Variants in SNAPC4 observed in about 807,000 individuals in gnomAD.
SNAPC4 encodes small nuclear RNA activating complex polypeptide 4, also known as snRNA-activating protein complex subunit 4.
SNAPC4 carries 127 observed loss-of-function variants against 151.3 expected under a neutral mutation model. That is an observed-to-expected ratio of 0.84 (90% CI 0.73 to 0.97). The LOEUF (loss-of-function observed/expected upper bound fraction) is 0.97, where lower values mean the gene tolerates loss of function less well. Ranked by LOEUF, SNAPC4 falls within the 50% of genes least tolerant of loss-of-function variation. SNAPC4 has a pLI of 0.00. For synonymous variants in SNAPC4, 1,002 were observed against 824.4 expected, an observed-to-expected ratio of 1.22 and a Z score of -3.69; for missense variants, 2,186 against 1,935.0, an observed-to-expected ratio of 1.13 and a Z score of -2.43.
At chr9:136,382,629 G>C (rs1833740935) in intron 16 of SNAPC4, among the ~76,000 whole-genome samples, 1 of 152,218 alleles carries the variant, frequency 6.6e-6, no homozygotes, top group African/African-American at 2.4e-5. Context: ...GGAGATGCTG[G>C]CTGTGCAGCA....
chr9:136,392,422 G>A (rs1834110395), intron 9 of SNAPC4, 100 bp downstream of exon 9: 5 of 1,186,142 alleles, frequency 4.2e-6, no homozygotes, highest in Admixed American at 1.7e-5. Context: ...AGAACCTGTT[G>A]CCAGGGAGGG....
chr9:136,377,201 G>A (rs753045423), intron 22 of SNAPC4, among the ~76,000 whole-genome samples: 2 of 152,200 alleles, frequency 1.3e-5, no homozygotes, highest in Admixed American at 6.5e-5. Context: ...GAGCACACGT[G>A]TGTGTGGCGT....
In SNAPC4 at chr9:136,395,287, C is replaced by T. The variant is rs762455832; in HGVS notation, c.471+11G>A. Reference sequence around the variant, plus strand: ...AGCCTTGCCGACAAGAGCAGGGCCTCGGCCACTCACCACGCCCGTGACCTT... The same window carrying T: ...AGCCTTGCCGACAAGAGCAGGGCCTTGGCCACTCACCACGCCCGTGACCTT... On this transcript the variant is annotated intron_variant, in intron 5 of 23. Transcript: ENST00000684778. 58 of 1,611,682 alleles carry T rather than the reference C, an allele frequency of 3.6e-5. No individual in the cohort carries two copies. The East Asian group carries it at 5.3e-4, about 15-fold the overall frequency.
At chr9:136,396,637 C>T (rs1466736788) in intron 3 of SNAPC4, among the ~76,000 whole-genome samples, 1 of 152,156 alleles carries the variant, frequency 6.6e-6, no homozygotes, top group Non-Finnish European at 1.5e-5. Flanking sequence ...CCCCGCTGCC[C>T]CACAGGAATC....
At chr9:136,382,177 C>T (rs573415089) in intron 17 of SNAPC4, 76 bp downstream of exon 17, 21 of 1,589,240 alleles carry the variant, frequency 1.3e-5, no homozygotes, top group Middle Eastern at 4.3e-4. Context: ...AGGGCATGAT[C>T]GACGGGGAGA....
At chr9:136,391,812 G>C (rs988669374) in intron 10 of SNAPC4, 130 bp downstream of exon 10, 1 of 978,908 alleles carries the variant, frequency 1.0e-6, no homozygotes, top group Non-Finnish European at 1.5e-6. Flanking sequence ...CCACAGCCTG[G>C]AGGTGGCAAC....
At chr9:136,395,195 TGAACTCACAG>T (rs1343355768) in intron 5 of SNAPC4, 93 bp downstream of exon 5, 1 of 1,442,078 alleles carries the variant, frequency 6.9e-7, no homozygotes, top group Non-Finnish European at 9.5e-7. Context: ...AATGTTATCT[TGAACTCACAG>T]GAATTCACGA....
intron 13 of SNAPC4, among the ~76,000 whole-genome samples, chr9:136,386,873 C>T (rs1050863422): frequency 6.6e-6 from 1 of 152,206 alleles, no homozygotes; most frequent in African/African-American, 2.4e-5. Context: ...CTGCCTCAGC[C>T]TCCCAAGTAG....
chr9:136,379,018 G>T lies in SNAPC4; in HGVS notation c.2809C>A (p.Pro937Thr). ...GGACCCGGGGCTGGGCGGCCGTGTG[G>T]GGTGTGTGGTAGAGGGGGCTGGAGG... ...VILQPPLPHT[P>T]HGRPAPGPTV... The change falls in exon 22 of 24, where the codon CCA becomes ACA. Residue 937 changes from proline to threonine, a missense_variant. Coordinates refer to ENST00000684778, the MANE Select transcript of SNAPC4 (RefSeq NM_003086.4). The T allele has an allele frequency of 6.2e-7, 1 of 1,604,412 alleles. No individual in the cohort carries two copies. Among genetic ancestry groups the T allele is most frequent in the Non-Finnish European group, 8.5e-7 (1 of 1,176,532 alleles).
At chr9:136,395,869 G>A in intron 3 of SNAPC4, 99 bp from the exon 4 acceptor site, 1 of 1,196,492 alleles carries the variant, frequency 8.4e-7, no homozygotes. Flanking sequence ...GGGACACCGA[G>A]GCAGCTCTGG....
rs1405377786 is a variant in SNAPC4 at position 136,377,983 on chromosome 9, T to C, written c.3844A>G (p.Thr1282Ala). ...CGCTGGCCCCCCAGCCACTGCTGTG[T>C]GGCCGCCTCGCCCTCCTGGGACAGC... ...GLLSQEGEAA[T>A]QQWLGGQRGV... The change falls in exon 22 of 24, where the codon ACA (threonine) becomes GCA (alanine). Residue 1282 changes from threonine (T) to alanine (A), a missense_variant. Physicochemically the swap from Thr to Ala is moderately conservative, Grantham distance 58. Coordinates refer to ENST00000684778, the MANE Select transcript of SNAPC4 (RefSeq NM_003086.4). 1 of 1,603,676 alleles carries C rather than the reference T, an allele frequency of 6.2e-7. No homozygotes were observed. Among genetic ancestry groups the C allele is most frequent in the East Asian group, 2.2e-5 (1 of 44,676 alleles).
At chr9:136,387,693 C>T (rs1460402122) in intron 12 of SNAPC4, 49 bp downstream of exon 12, 3 of 1,408,936 alleles carry the variant, frequency 2.1e-6, no homozygotes, top group African/African-American at 1.4e-5. Flanking sequence ...CTGAACACAG[C>T]CGCGTTACCT....
At chr9:136,395,859 G>A (rs1036454871) in intron 3 of SNAPC4, 89 bp from the exon 4 acceptor site, 16 of 1,320,314 alleles carry the variant, frequency 1.2e-5, no homozygotes, top group Non-Finnish European at 1.6e-5. Flanking sequence ...CTGGGCCTCT[G>A]GGACACCGAG....
Position 136,378,604 on chromosome 9 carries a change from G to A in SNAPC4, c.3223C>T (p.Pro1075Ser), listed in dbSNP as rs754652677. 4 of 1,577,968 alleles carry A rather than the reference G, an allele frequency of 2.5e-6. No individual in the cohort carries two copies. Among genetic ancestry groups the A allele is most frequent in the South Asian group, 2.3e-5 (2 of 86,970 alleles). ...GPHVATSVPL[P>S]VTWVLTAQGL... Reference sequence around the variant, plus strand: ...TGGGCTGTGAGCACCCAGGTGACAGGCAGGGGGACACTGGTCGCCACATGT... The same window carrying A: ...TGGGCTGTGAGCACCCAGGTGACAGACAGGGGGACACTGGTCGCCACATGT... The change falls in exon 22 of 24, where the codon CCT (proline) becomes TCT (serine). Residue 1075 changes from proline (P) to serine (S), a missense_variant. Coordinates refer to ENST00000684778, the MANE Select transcript of SNAPC4 (RefSeq NM_003086.4).
intron 20 of SNAPC4, among the ~76,000 whole-genome samples, chr9:136,380,274 G>T (rs1036819379): frequency 2.6e-5 from 4 of 152,138 alleles, no homozygotes; most frequent in African/African-American, 4.8e-5. Context: ...GGGGGGTTGG[G>T]GGCAGGGTGG....
At chr9:136,376,282 C>T in intron 23 of SNAPC4, 67 bp downstream of exon 23, 2 of 1,576,990 alleles carry the variant, frequency 1.3e-6, no homozygotes, top group Non-Finnish European at 1.7e-6. Context: ...GGCCAAGGCC[C>T]CCTGCCATCT....
In SNAPC4 at chr9:136,376,330, C is replaced by A. The variant is rs1833442973; in HGVS notation, c.*7+19G>T. On this transcript the variant is annotated intron_variant, in intron 23 of 23. Coordinates refer to ENST00000684778, the MANE Select transcript of SNAPC4 (RefSeq NM_003086.4). ...GTCCCCTGGGTTGTAGGGCAGTGGC[C>A]TCCCCACTCAGGACTCACCTGCTGC... 1.2e-6 allele frequency: 2 copies of A among 1,612,030 alleles called. No individual in the cohort carries two copies. The highest frequency in any genetic ancestry group is 1.7e-6 in the Non-Finnish European group (2 of 1,179,512).
chr9:136,398,529 G>A, intron 1 of SNAPC4, 92 bp from the exon 2 acceptor site: 1 of 1,476,038 alleles, frequency 6.8e-7, no homozygotes, highest in South Asian at 1.2e-5. Flanking sequence ...GGGGATGGCA[G>A]GAGCCTGCTC....
At chr9:136,397,463 G>GT (rs1564397149) in intron 2 of SNAPC4, among the ~76,000 whole-genome samples, 1 of 106,664 alleles carries the variant, frequency 9.4e-6, no homozygotes, top group African/African-American at 3.2e-5. Flanking sequence ...AAGCAAGGCT[G>GT]GGGGGGTCTC....
Sources: gnomAD v4.1 joint callset for allele counts (sites outside exome capture counted in the v4.1 genomes callset) on GRCh38, gnomAD v4.1.1 for gene constraint, MANE v1.5 for transcripts, NCBI Gene and HGNC (gene_info 2026-07-23, HGNC 2026-07-21) for gene names.